Variants in UNC13C observed in about 807,000 individuals in gnomAD.
UNC13C encodes unc-13 homolog C.
Under a neutral mutation model 245.4 loss-of-function variants are expected in UNC13C, and 174 were observed. The ratio of observed to expected loss-of-function variants is 0.71; its 90% CI spans 0.63 to 0.80. The LOEUF is 0.80. Ranked by LOEUF, UNC13C falls within the 30% of genes least tolerant of loss-of-function variation. The probability of loss-of-function intolerance (pLI) is 0.00; values close to 1 mark genes in which losing one functional copy is unlikely to be tolerated. For synonymous variants in UNC13C, 992 were observed against 895.1 expected (o/e 1.11, Z -1.93); for missense variants, 2,829 against 2,602.9 (o/e 1.09, Z -1.89).
At chr15:53,904,015 G>C in the UNC13C span, among the ~76,000 whole-genome samples, 2 of 152,134 alleles carry the variant, frequency 1.3e-5, no homozygotes, top group African/African-American at 4.8e-5. Flanking sequence ...AACTTCAGTG[G>C]CTCTTTAATA....
chr15:54,052,089 A>G (rs532994252), intron 2 of UNC13C, among the ~76,000 whole-genome samples: 31 of 106,222 alleles, frequency 2.9e-4, no homozygotes, highest in Non-Finnish European at 5.0e-4. Context: ...AAGGACATGA[A>G]CTCATCATTT....
chr15:54,474,407 G>A (rs1347795942), intron 19 of UNC13C, among the ~76,000 whole-genome samples: 2 of 151,706 alleles, frequency 1.3e-5, no homozygotes. Context: ...GTTTTGATTT[G>A]CATTGCCTTG....
At chr15:54,011,230 G>A (rs1895369017) in intron 1 of UNC13C, among the ~76,000 whole-genome samples, 1 of 152,154 alleles carries the variant, frequency 6.6e-6, no homozygotes. Flanking sequence ...CTGTTCCTGA[G>A]TTTGCATTTG....
At chr15:54,034,187 G>C (rs1367938201) in intron 2 of UNC13C, among the ~76,000 whole-genome samples, 1 of 152,198 alleles carries the variant, frequency 6.6e-6, no homozygotes, top group African/African-American at 2.4e-5. Context: ...GCAGGGAAAG[G>C]TCAGAGTGTC....
chr15:54,260,851 GA>G (rs10707812), intron 8 of UNC13C, among the ~76,000 whole-genome samples: 41,520 of 149,922 alleles, frequency 0.28, 5,976 homozygotes, highest in African/African-American at 0.34. Context: ...TACTTCTTCA[GA>G]AAAAAAACAC....
chr15:54,241,397 C>T (rs772195697), intron 7 of UNC13C, among the ~76,000 whole-genome samples: 1 of 152,138 alleles, frequency 6.6e-6, no homozygotes. Context: ...CTGCTCAGAA[C>T]ACCTCTCTGA....
intron 16 of UNC13C, 139 bp downstream of exon 16, chr15:54,333,995 C>G (rs1193278454): frequency 1.7e-6 from 1 of 574,932 alleles, no homozygotes; most frequent in African/African-American, 1.9e-5. Context: ...TGCCTGAACT[C>G]GATGAATCTT....
chr15:54,187,074 C>T (rs1213612779), intron 4 of UNC13C, among the ~76,000 whole-genome samples: 3 of 151,970 alleles, frequency 2.0e-5, no homozygotes, highest in African/African-American at 7.3e-5. Context: ...TTTTGAACTC[C>T]TGACCTCAGG....
At chr15:54,195,302 T>C (rs1003882410) in intron 4 of UNC13C, among the ~76,000 whole-genome samples, 1 of 152,158 alleles carries the variant, frequency 6.6e-6, no homozygotes, top group Admixed American at 6.6e-5. Flanking sequence ...GCAGATAAAA[T>C]GTATGCTGAG....
At chr15:54,015,931 C>T (rs1392722663) in intron 2 of UNC13C, 45 bp downstream of exon 2, 3 of 1,434,316 alleles carry the variant, frequency 2.1e-6, no homozygotes, top group Non-Finnish European at 2.8e-6. Flanking sequence ...TGTGTTTTAA[C>T]ATTGGGTAGC....
At chr15:54,229,285 C>T (rs2035482554) in intron 4 of UNC13C, among the ~76,000 whole-genome samples, 1 of 152,150 alleles carries the variant, frequency 6.6e-6, no homozygotes, top group Non-Finnish European at 1.5e-5. Flanking sequence ...TCTCCAGTGC[C>T]TCTTTTAGTG....
the UNC13C span, among the ~76,000 whole-genome samples, chr15:53,902,352 G>A: frequency 6.6e-6 from 1 of 152,108 alleles, no homozygotes; most frequent in Non-Finnish European, 1.5e-5. Flanking sequence ...CCTCAACAGA[G>A]CTGGCAGTTG....
the UNC13C span, among the ~76,000 whole-genome samples, chr15:53,863,751 G>A: frequency 6.6e-6 from 1 of 152,212 alleles, no homozygotes; most frequent in Non-Finnish European, 1.5e-5. Flanking sequence ...TATGTATTAT[G>A]TATGCCACAC....
At position 54,000,750 on chromosome 15, in the gene UNC13C, A is replaced by G. The variant is rs114812210; in HGVS notation, c.-256-11898A>G. Among the ~76,000 whole-genome samples, 583 of 152,260 alleles carry G rather than the reference A, an allele frequency of 3.8e-3. 5 individuals are homozygous for G. Among genetic ancestry groups the G allele is most frequent in the African/African-American group, 0.013 (560 of 41,554 alleles). On this transcript the variant is annotated intron_variant, in intron 1 of 32. Transcript: ENST00000260323. Reference sequence around the variant, plus strand: ...TAGCAACACCTAATCATATATAAAGAATACTTTGTGAACAGATTTTTGTTT... The same window carrying G: ...TAGCAACACCTAATCATATATAAAGGATACTTTGTGAACAGATTTTTGTTT...
the UNC13C span, among the ~76,000 whole-genome samples, chr15:53,894,046 C>T: frequency 6.6e-6 from 1 of 152,190 alleles, no homozygotes; most frequent in Admixed American, 6.5e-5. Flanking sequence ...GGCTGGAGCA[C>T]ACAGTTCCTC....
Position 54,501,009 on chromosome 15 carries a change from T to C in UNC13C, c.5301+31T>C, listed in dbSNP as rs370419900. 5 of 1,606,782 alleles carry C rather than the reference T, an allele frequency of 3.1e-6. No individual in the cohort carries two copies. The African/African-American group carries it at 5.4e-5, about 17-fold the overall frequency. On this transcript the variant is annotated intron_variant, in intron 22 of 32. Coordinates refer to ENST00000260323, the MANE Select transcript of UNC13C (RefSeq NM_001080534.3). ...TTAAATAAAATGAGTCTTCTTTTTC[T>C]CTGGGTCTGTGGCAATCTGAAAAAT... is the stretch of plus-strand genomic sequence containing the variant.
At chr15:54,178,165 C>G (rs1390729430) in intron 4 of UNC13C, among the ~76,000 whole-genome samples, 1 of 152,082 alleles carries the variant, frequency 6.6e-6, no homozygotes, top group Non-Finnish European at 1.5e-5. Context: ...TCAATCTATA[C>G]AATCCTGTAT....
chr15:54,033,250 ACACAATGTACTT>A (rs1896438463), intron 2 of UNC13C, among the ~76,000 whole-genome samples: 1 of 152,196 alleles, frequency 6.6e-6, no homozygotes, highest in African/African-American at 2.4e-5. Flanking sequence ...AATAAAAAAT[ACACAATGTACTT>A]CTATTTACCA....
chr15:54,444,982 C>G (rs1289738371), intron 19 of UNC13C, among the ~76,000 whole-genome samples: 1 of 110,082 alleles, frequency 9.1e-6, no homozygotes, highest in Non-Finnish European at 1.7e-5. Context: ...CACCCCACAA[C>G]AGCCCCTGGT....
Sources: gnomAD v4.1 joint callset for allele counts (sites outside exome capture counted in the v4.1 genomes callset) on GRCh38, gnomAD v4.1.1 for gene constraint, MANE v1.5 for transcripts, NCBI Gene and HGNC (gene_info 2026-07-23, HGNC 2026-07-21) for gene names.